The following CDH12 variants were observed in gnomAD, a reference collection of about 807,000 sequenced individuals.
CDH12 encodes cadherin 12.
In CDH12, 41 loss-of-function variants were observed where a neutral mutation model predicts 74.1. That is an observed-to-expected ratio of 0.55 (90% CI 0.43 to 0.72). CDH12 has a LOEUF of 0.72. Ranked by LOEUF, CDH12 falls within the 30% of genes least tolerant of loss-of-function variation. CDH12 has a pLI of 0.00. For missense variants in CDH12, 945 were observed against 977.2 expected (o/e 0.97, Z 0.44); for synonymous variants, 399 against 355.0 (o/e 1.12, Z -1.39).
At chr5:22,015,127 A>G (rs1273973473) in intron 5 of CDH12, among the ~76,000 whole-genome samples, 7 of 152,172 alleles carry the variant, frequency 4.6e-5, no homozygotes, top group Non-Finnish European at 4.4e-5. Context: ...TTGTGAAGCA[A>G]TCAGTTTAAT....
intron 1 of CDH12, among the ~76,000 whole-genome samples, chr5:22,526,333 G>T (rs1580733667): frequency 6.6e-6 from 1 of 152,142 alleles, no homozygotes; most frequent in East Asian, 1.9e-4. Flanking sequence ...AGACCAGTTT[G>T]ATATCTTGCA....
intron 1 of CDH12, among the ~76,000 whole-genome samples, chr5:22,756,098 G>GGAAAAAAA (rs1745886601): frequency 1.1e-5 from 1 of 87,338 alleles, no homozygotes; most frequent in African/African-American, 4.3e-5. Context: ...TTCAAGGACC[G>GGAAAAAAA]AAAAAAAAAA....
Position 21,842,301 on chromosome 5 carries a change from A to G in CDH12, c.674T>C (p.Met225Thr). The G allele has an allele frequency of 1.1e-5, 18 of 1,611,728 alleles. No homozygotes were observed. The highest frequency in any genetic ancestry group is 1.5e-5 in the Non-Finnish European group (18 of 1,178,858). Reference protein sequence around the residue: ...TGVIRTALPNMDREVKEQYQV... With the variant: ...TGVIRTALPNTDREVKEQYQV... The stretch of plus-strand genomic sequence containing the variant: ...ATATTGTTCTTTGACTTCTCTGTCC[A>G]TGTTTGGCAAAGCTGTTCTAATAAC... Residue 225 changes from methionine (M) to threonine (T), a missense_variant, in exon 8 of 15, where the codon ATG becomes ACG. Transcript: ENST00000382254.
At chr5:22,714,102 T>A (rs1580917523) in intron 1 of CDH12, among the ~76,000 whole-genome samples, 2 of 152,308 alleles carry the variant, frequency 1.3e-5, no homozygotes, top group East Asian at 3.9e-4. Flanking sequence ...ATTGTCTGTT[T>A]CTAAAATGTT....
intron 1 of CDH12, among the ~76,000 whole-genome samples, chr5:22,722,991 T>C (rs1294365301): frequency 6.6e-6 from 1 of 152,190 alleles, no homozygotes; most frequent in Non-Finnish European, 1.5e-5. Context: ...GGCATTCCTT[T>C]AAATATAGCA....
intron 1 of CDH12, among the ~76,000 whole-genome samples, chr5:22,788,457 CATT>C (rs1381224459): frequency 6.6e-6 from 1 of 150,848 alleles, no homozygotes; most frequent in Non-Finnish European, 1.5e-5. Context: ...AAAAGATTAT[CATT>C]ATTATAATTA....
chr5:22,088,053 T>A (rs1292766782), intron 4 of CDH12, among the ~76,000 whole-genome samples: 1 of 152,108 alleles, frequency 6.6e-6, no homozygotes, highest in Admixed American at 6.5e-5. Context: ...GGACTGAATT[T>A]AAAAAAATGA....
chr5:22,037,096 A>T (rs567913266), intron 5 of CDH12, among the ~76,000 whole-genome samples: 1 of 152,232 alleles, frequency 6.6e-6, no homozygotes, highest in Non-Finnish European at 1.5e-5. Context: ...TAACGTAGAC[A>T]TAAGAAAATG....
chr5:22,600,558 T>A (rs1736808627), intron 1 of CDH12, among the ~76,000 whole-genome samples: 1 of 151,988 alleles, frequency 6.6e-6, no homozygotes, highest in Non-Finnish European at 1.5e-5. Flanking sequence ...TTGCATAGAG[T>A]TGTTATTTAT....
intron 1 of CDH12, among the ~76,000 whole-genome samples, chr5:22,509,012 G>A (rs756401805): frequency 7.2e-5 from 11 of 151,958 alleles, no homozygotes; most frequent in South Asian, 2.1e-4. Flanking sequence ...CTTCCTATCC[G>A]CTTCCATAGG....
At chr5:21,937,898 A>AGAG (rs1458886610) in intron 6 of CDH12, among the ~76,000 whole-genome samples, 1 of 152,074 alleles carries the variant, frequency 6.6e-6, no homozygotes, top group Non-Finnish European at 1.5e-5. Context: ...TTTCATGGGG[A>AGAG]GAGGAGGAGG....
intron 8 of CDH12, among the ~76,000 whole-genome samples, chr5:21,820,816 G>A (rs892973904): frequency 5.3e-5 from 8 of 151,952 alleles, no homozygotes; most frequent in Non-Finnish European, 1.2e-4. Flanking sequence ...TGTTCATGAT[G>A]TACTGTGTAA....
intron 1 of CDH12, among the ~76,000 whole-genome samples, chr5:22,839,339 C>A (rs1438594254): frequency 6.7e-6 from 1 of 148,366 alleles, no homozygotes; most frequent in African/African-American, 2.5e-5. Context: ...AGTTTACAAT[C>A]AAAATTACTT....
chr5:22,178,154 C>A, intron 4 of CDH12, among the ~76,000 whole-genome samples: 1 of 152,052 alleles, frequency 6.6e-6, no homozygotes, highest in Non-Finnish European at 1.5e-5. Context: ...TTGGTCATGC[C>A]CCTCTGCCCA....
At chr5:21,777,916 T>C (rs1476714479) in intron 11 of CDH12, among the ~76,000 whole-genome samples, 3 of 152,230 alleles carry the variant, frequency 2.0e-5, no homozygotes, top group Non-Finnish European at 2.9e-5. Context: ...AATTAACATA[T>C]GCACTACCTC....
chr5:22,392,529 T>C lies in CDH12; in HGVS notation c.-333+12728A>G, dbSNP rs1580600592. ...AATATTATTAACATTCGTCAGTGCT[T>C]AGCCATATTTGGCACATGGTAAGCA... On this transcript the variant is annotated intron_variant, in intron 3 of 14. Coordinates refer to ENST00000382254, the MANE Select transcript of CDH12 (RefSeq NM_004061.5). Among the ~76,000 whole-genome samples, 4 of 152,192 alleles carry C rather than the reference T, an allele frequency of 2.6e-5. No homozygotes were observed. In the South Asian group the frequency reaches 8.3e-4, roughly 32 times the overall value.
intron 4 of CDH12, among the ~76,000 whole-genome samples, chr5:22,079,370 T>C (rs1742559281): frequency 6.6e-6 from 1 of 152,044 alleles, no homozygotes; most frequent in Admixed American, 6.6e-5. Flanking sequence ...ATATATCCCC[T>C]AGGGGAGCAA....
intron 7 of CDH12, among the ~76,000 whole-genome samples, chr5:21,847,326 C>A (rs1377821937): frequency 6.6e-6 from 1 of 152,006 alleles, no homozygotes; most frequent in African/African-American, 2.4e-5. Context: ...CCATTCTATC[C>A]AAAATTTCTT....
intron 6 of CDH12, among the ~76,000 whole-genome samples, chr5:21,875,985 T>G (rs1751919098): frequency 6.8e-6 from 1 of 147,364 alleles, no homozygotes; most frequent in African/African-American, 2.5e-5. Flanking sequence ...AACCTCTGCC[T>G]CCCGGGTTCA....
Sources: gnomAD v4.1 joint callset for allele counts (sites outside exome capture counted in the v4.1 genomes callset) on GRCh38, gnomAD v4.1.1 for gene constraint, MANE v1.5 for transcripts, NCBI Gene and HGNC (gene_info 2026-07-23, HGNC 2026-07-21) for gene names.